Variants in CEP55 observed in about 807,000 individuals in gnomAD.
CEP55 encodes the protein centrosomal protein 55.
CEP55 carries 57 observed loss-of-function variants against 63.2 expected under a neutral mutation model. The ratio of observed to expected loss-of-function variants is 0.90; its 90% CI spans 0.73 to 1.13. The LOEUF (loss-of-function observed/expected upper bound fraction) is 1.13, where lower values mean the gene tolerates loss of function less well. CEP55 is among the 50% of genes most tolerant of loss of function. The pLI is 0.00. For missense variants in CEP55, 456 were observed against 518.9 expected, an observed-to-expected ratio of 0.88 and a Z score of 1.18; for synonymous variants, 178 against 191.6, an observed-to-expected ratio of 0.93 and a Z score of 0.59.
At chr10:93,517,655 G>A (rs1264450895) in intron 6 of CEP55, among the ~76,000 whole-genome samples, 4 of 152,202 alleles carry the variant, frequency 2.6e-5, no homozygotes, top group African/African-American at 9.6e-5. Context: ...TCCTAGACTG[G>A]CATCTTAATG....
chr10:93,501,043 A>G (rs1052903150), intron 2 of CEP55, among the ~76,000 whole-genome samples: 1 of 152,220 alleles, frequency 6.6e-6, no homozygotes, highest in Non-Finnish European at 1.5e-5. Context: ...TAGTTATATA[A>G]TCTGGTTTTC....
rs199894468 is a variant in CEP55, at chr10:93,503,308, G to T, written c.379G>T (p.Val127Leu). 1.2e-6 allele frequency: 2 copies of T among 1,614,122 alleles called. No homozygotes were observed. Among genetic ancestry groups the T allele is most frequent in the Admixed American group, 1.7e-5 (1 of 60,018 alleles). The stretch of plus-strand genomic sequence containing the variant: ...GAAAGCCTTATCTGAAGAGAAAGAC[G>T]TATTGAAACAACAGTTGTCTGCTGC... ...VLKALSEEKDVLKQQLSAATS... is the reference protein window; with the variant it reads ...VLKALSEEKDLLKQQLSAATS... The change falls in exon 3 of 9, where the codon GTA (valine) becomes TTA (leucine). Residue 127 changes from valine (V) to leucine (L), a missense_variant. Physicochemically the swap from Val to Leu is conservative, Grantham distance 32 (BLOSUM62 1). Transcript: ENST00000371485.
chr10:93,515,179 G>T (rs2057791049), intron 4 of CEP55, among the ~76,000 whole-genome samples: 1 of 152,172 alleles, frequency 6.6e-6, no homozygotes, highest in African/African-American at 2.4e-5. Context: ...CACAAAGCAA[G>T]TTGTGTACTG....
intron 3 of CEP55, among the ~76,000 whole-genome samples, chr10:93,505,477 A>G (rs754787292): frequency 6.6e-5 from 10 of 152,170 alleles, no homozygotes; most frequent in African/African-American, 9.7e-5. Flanking sequence ...CCACTGGAAC[A>G]TGGCTCCACT....
chr10:93,508,213 G>A (rs1010092213), intron 4 of CEP55, among the ~76,000 whole-genome samples: 1 of 152,148 alleles, frequency 6.6e-6, no homozygotes, highest in African/African-American at 2.4e-5. Flanking sequence ...TGAGGACACA[G>A]GACTGCTACT....
intron 4 of CEP55, among the ~76,000 whole-genome samples, chr10:93,514,011 C>G (rs1241619118): frequency 6.8e-6 from 1 of 147,890 alleles, no homozygotes; most frequent in African/African-American, 2.5e-5. Flanking sequence ...GTGGCGCAAT[C>G]TTGGCTCACT....
At chr10:93,508,249 G>A (rs968320971) in intron 4 of CEP55, among the ~76,000 whole-genome samples, 2 of 152,168 alleles carry the variant, frequency 1.3e-5, no homozygotes, top group African/African-American at 4.8e-5. Flanking sequence ...TCAAGTTTTA[G>A]AGATATGAAG....
intron 4 of CEP55, among the ~76,000 whole-genome samples, chr10:93,512,296 G>A (rs1234777128): frequency 1.3e-5 from 2 of 150,932 alleles, no homozygotes; most frequent in African/African-American, 4.9e-5. Context: ...AGGCCAAGGC[G>A]GGCAGATCAC....
At chr10:93,500,439 C>T (rs538672275) in intron 2 of CEP55, among the ~76,000 whole-genome samples, 6 of 152,290 alleles carry the variant, frequency 3.9e-5, no homozygotes, top group African/African-American at 1.2e-4. Context: ...ACTAACTTCT[C>T]ACCTTTTAAA....
intron 7 of CEP55, 29 bp downstream of exon 7, chr10:93,518,977 A>G (rs374180556): frequency 2.0e-5 from 31 of 1,554,948 alleles, no homozygotes; most frequent in African/African-American, 1.9e-4. Context: ...TCTAAATTCA[A>G]TTCTGCCTGT....
intron 2 of CEP55, among the ~76,000 whole-genome samples, chr10:93,501,248 C>A (rs1258890065): frequency 2.0e-5 from 3 of 151,956 alleles, no homozygotes; most frequent in African/African-American, 7.3e-5. Flanking sequence ...TTTCGGATTC[C>A]CTAATTTATA....
At chr10:93,498,710 A>G (rs1369855669) in intron 1 of CEP55, among the ~76,000 whole-genome samples, 4 of 151,968 alleles carry the variant, frequency 2.6e-5, no homozygotes, top group African/African-American at 9.7e-5. Flanking sequence ...TCTCTTGTGT[A>G]ATATTTATTA....
rs758843189 is a variant in CEP55 at position 93,503,189 on chromosome 10, T to C, written c.260T>C (p.Leu87Pro). 6 of 1,613,992 alleles carry C rather than the reference T, an allele frequency of 3.7e-6. No individual in the cohort carries two copies. In the African/African-American group the frequency reaches 8.0e-5, roughly 22 times the overall value. ...LTEKDKEIQRLRDQLKARYST... is the reference protein window; with the variant it reads ...LTEKDKEIQRPRDQLKARYST... ...GAGAAGGACAAAGAAATACAGCGAC[T>C]GAGAGACCAACTGAAGGCCAGATAT... Residue 87 changes from leucine (L) to proline (P), a missense_variant, in exon 3 of 9, where the codon CTG (leucine) becomes CCG (proline). Coordinates refer to ENST00000371485, the MANE Select transcript of CEP55 (RefSeq NM_018131.5).
intron 1 of CEP55, among the ~76,000 whole-genome samples, chr10:93,498,706 G>C (rs1252627772): frequency 6.6e-6 from 1 of 151,868 alleles, no homozygotes; most frequent in African/African-American, 2.4e-5. Flanking sequence ...TACTTCTCTT[G>C]TGTAATATTT....
intron 4 of CEP55, 142 bp from the exon 5 acceptor site, chr10:93,515,263 G>A (rs2057791906): frequency 1.6e-6 from 1 of 622,046 alleles, no homozygotes; most frequent in South Asian, 2.4e-5. Context: ...CTGAAGGCAT[G>A]TAACATAGAA....
chr10:93,526,935 G>C (rs969939694), intron 8 of CEP55, among the ~76,000 whole-genome samples: 19 of 152,126 alleles, frequency 1.2e-4, no homozygotes, highest in Non-Finnish European at 2.4e-4. Context: ...ACCTGTTGTG[G>C]GGTGGGGGGA....
Position 93,517,215 on chromosome 10 carries a change from A to G in CEP55, c.960A>G (p.Glu320=). The G allele has an allele frequency of 6.2e-7, 1 of 1,607,126 alleles. No homozygotes were observed. The highest frequency in any genetic ancestry group is 8.5e-7 in the Non-Finnish European group (1 of 1,176,938). ...ATATTGCTAGGGGAAAACTTGAAGA[A>G]GAGAAGAAGAGATCCGAAGAGCTCT... The part of the protein sequence containing the change: ...ENDIARGKLE[E]EKKRSEELLS... Residue 320 remains glutamate (E), a synonymous_variant, in exon 6 of 9, where the codon GAA becomes GAG. Transcript: ENST00000371485.
intron 4 of CEP55, among the ~76,000 whole-genome samples, chr10:93,513,940 T>C (rs10736076): frequency 0.97 from 146,283 of 150,598 alleles, 71,130 homozygotes; most frequent in East Asian, 1. Context: ...CTGCAAAGCC[T>C]CCCCCTCCCC....
At chr10:93,506,641 C>T (rs1278375744) in intron 3 of CEP55, among the ~76,000 whole-genome samples, 7 of 152,130 alleles carry the variant, frequency 4.6e-5, no homozygotes, top group Non-Finnish European at 8.8e-5. Context: ...AATCTCGGCT[C>T]ACTGCAGCCT....
Sources: allele counts gnomAD v4.1 joint callset (sites outside exome capture counted in the v4.1 genomes callset), GRCh38; gene constraint gnomAD v4.1.1; transcripts MANE v1.5; gene names NCBI Gene and HGNC (gene_info 2026-07-23, HGNC 2026-07-21).